The following SYN2 variants were observed in gnomAD, a reference collection of about 807,000 sequenced individuals.
SYN2 encodes the protein synapsin II, also known as synapsin-2.
A neutral mutation model predicts 50.9 loss-of-function variants in SYN2; 19 were observed. That is an observed-to-expected ratio of 0.37 (90% CI 0.26 to 0.55). The LOEUF (loss-of-function observed/expected upper bound fraction) is 0.55, where lower values mean the gene tolerates loss of function less well. SYN2 is among the 20% of genes least tolerant of loss of function. SYN2 has a pLI of 0.81. For synonymous variants in SYN2, 255 were observed against 224.9 expected (o/e 1.13, Z -1.20); for missense variants, 587 against 576.4 (o/e 1.02, Z -0.19).
intron 1 of SYN2, among the ~76,000 whole-genome samples, chr3:12,019,391 G>T (rs924382436): frequency 2.0e-5 from 3 of 152,120 alleles, no homozygotes; most frequent in Non-Finnish European, 4.4e-5. Context: ...TCAGGTTTCT[G>T]CATTTTCATA....
At chr3:12,122,750 T>C (rs907326275) in intron 1 of SYN2, among the ~76,000 whole-genome samples, 2 of 152,230 alleles carry the variant, frequency 1.3e-5, no homozygotes, top group African/African-American at 4.8e-5. Flanking sequence ...CAGCCACTGA[T>C]ACCTTGGAGT....
chr3:12,106,256 G>C (rs150290893), intron 1 of SYN2, among the ~76,000 whole-genome samples: 142 of 152,270 alleles, frequency 9.3e-4, no homozygotes, highest in African/African-American at 3.3e-3. Context: ...TCATGCTTCA[G>C]ATCTCTTCCT....
At chr3:12,012,348 G>A (rs1693927600) in intron 1 of SYN2, among the ~76,000 whole-genome samples, 1 of 152,314 alleles carries the variant, frequency 6.6e-6, no homozygotes, top group African/African-American at 2.4e-5. Flanking sequence ...GAAATACACA[G>A]AAGGCCTTTA....
intron 1 of SYN2, among the ~76,000 whole-genome samples, chr3:12,115,589 A>G (rs1485038177): frequency 1.3e-5 from 2 of 151,276 alleles, no homozygotes; most frequent in African/African-American, 2.5e-5. Flanking sequence ...ATAAGCTATC[A>G]TAGGGTTCTT....
intron 1 of SYN2, among the ~76,000 whole-genome samples, chr3:12,060,616 T>C (rs933675253): frequency 5.3e-5 from 8 of 152,120 alleles, no homozygotes; most frequent in African/African-American, 1.9e-4. Context: ...AAATGAGTTA[T>C]AACACACAGA....
At chr3:12,029,789 G>A (rs1694341078) in intron 1 of SYN2, among the ~76,000 whole-genome samples, 1 of 83,126 alleles carries the variant, frequency 1.2e-5, no homozygotes, top group Non-Finnish European at 2.1e-5. Context: ...TGAGACGATG[G>A]GGTTTTCTAG....
chr3:12,162,213 A>T, intron 7 of SYN2, 59 bp downstream of exon 7: 1 of 1,581,504 alleles, frequency 6.3e-7, no homozygotes, highest in South Asian at 1.2e-5. Context: ...GAGCCTCCAC[A>T]TTGCAGCCAA....
intron 1 of SYN2, among the ~76,000 whole-genome samples, chr3:12,025,102 C>T (rs1443765214): frequency 6.6e-6 from 1 of 152,136 alleles, no homozygotes; most frequent in Non-Finnish European, 1.5e-5. Flanking sequence ...TTGCTATGCC[C>T]CTACATGGTG....
intron 1 of SYN2, among the ~76,000 whole-genome samples, chr3:12,105,743 T>G (rs1175467323): frequency 1.3e-5 from 2 of 151,964 alleles, no homozygotes; most frequent in Non-Finnish European, 1.5e-5. Flanking sequence ...TCCCTCTCAA[T>G]TCACGGCAAG....
At position 12,149,141 on chromosome 3, in the gene SYN2, G is replaced by T. The variant is rs563422656; in HGVS notation, c.685-2096G>T. Among the ~76,000 whole-genome samples the T allele has an allele frequency of 7.2e-5, 11 of 152,316 alleles. No homozygotes were observed. The South Asian group carries it at 2.3e-3, about 32-fold the overall frequency. On this transcript the variant is annotated intron_variant, in intron 4 of 12. Coordinates refer to ENST00000621198, the MANE Select transcript of SYN2 (RefSeq NM_133625.6). The stretch of plus-strand genomic sequence containing the variant: ...GGCTGTCCCAGGGCTCTGGGAGTCT[G>T]CCACAGGCTGTCCTGGCATCTGTGT...
At chr3:12,040,869 C>G in intron 1 of SYN2, among the ~76,000 whole-genome samples, 1 of 151,998 alleles carries the variant, frequency 6.6e-6, no homozygotes, top group East Asian at 1.9e-4. Context: ...GTTTTCTTGC[C>G]CATTTGGAGT....
At chr3:12,006,250 C>T (rs1036759032) in intron 1 of SYN2, among the ~76,000 whole-genome samples, 17 of 152,092 alleles carry the variant, frequency 1.1e-4, no homozygotes, top group Non-Finnish European at 2.4e-4. Flanking sequence ...TCTGAATAGT[C>T]CTTTGGGTGA....
chr3:12,169,141 T>C (rs2125243250), intron 9 of SYN2, among the ~76,000 whole-genome samples: 1 of 152,320 alleles, frequency 6.6e-6, no homozygotes, highest in Middle Eastern at 3.4e-3. Flanking sequence ...CTCTCCTCGC[T>C]AGGTGGGCCT....
At chr3:12,080,629 A>G (rs1286492742) in intron 1 of SYN2, among the ~76,000 whole-genome samples, 2 of 152,052 alleles carry the variant, frequency 1.3e-5, no homozygotes, top group African/African-American at 4.8e-5. Context: ...GAATTTCTTA[A>G]TCTTGAGTTC....
chr3:12,074,672 C>A (rs1695432543), intron 1 of SYN2, among the ~76,000 whole-genome samples: 1 of 152,072 alleles, frequency 6.6e-6, no homozygotes, highest in Non-Finnish European at 1.5e-5. Flanking sequence ...ATACAGGAGT[C>A]TTAATTCTGC....
At chr3:12,144,015 G>A (rs888183052) in intron 3 of SYN2, among the ~76,000 whole-genome samples, 1 of 152,216 alleles carries the variant, frequency 6.6e-6, no homozygotes, top group African/African-American at 2.4e-5. Context: ...TGGGCGGATG[G>A]CTGCCTGGGC....
chr3:12,184,567 C>G (rs942643058), intron 11 of SYN2: 1 of 985,802 alleles, frequency 1.0e-6, no homozygotes, highest in Non-Finnish European at 1.2e-6. Context: ...TGCTTCAGTT[C>G]TCAGCTGTTT....
chr3:12,180,568 G>C (rs983496076), intron 10 of SYN2, among the ~76,000 whole-genome samples: 1 of 152,176 alleles, frequency 6.6e-6, no homozygotes, highest in Non-Finnish European at 1.5e-5. Context: ...CTTGTAGGTG[G>C]AGCCAGGGTG....
At position 12,106,967 on chromosome 3, in the gene SYN2, A is replaced by G. The variant is rs185659383; in HGVS notation, c.378-33684A>G. On this transcript the variant is annotated intron_variant, in intron 1 of 12. Coordinates refer to ENST00000621198, the MANE Select transcript of SYN2 (RefSeq NM_133625.6). Reference sequence around the variant, plus strand: ...CGTATAAAGAAAGGATCACTAGACTAGGAGATAAAAGTTGGATTCAGATCT... The same window carrying G: ...CGTATAAAGAAAGGATCACTAGACTGGGAGATAAAAGTTGGATTCAGATCT... Among the ~76,000 whole-genome samples the G allele has an allele frequency of 3.3e-5, 5 of 152,108 alleles. No individual in the cohort carries two copies. The East Asian group carries it at 9.7e-4, about 29-fold the overall frequency.
Sources: gnomAD v4.1 joint callset for allele counts (sites outside exome capture counted in the v4.1 genomes callset) on GRCh38, gnomAD v4.1.1 for gene constraint, MANE v1.5 for transcripts, NCBI Gene and HGNC (gene_info 2026-07-23, HGNC 2026-07-21) for gene names.